Variants in SLC41A2 observed in about 807,000 individuals in gnomAD.
The protein encoded by SLC41A2 is SLC41A1-like 1.
SLC41A2 carries 32 observed loss-of-function variants against 58.3 expected under a neutral mutation model. That is an observed-to-expected ratio of 0.55 (90% confidence interval 0.41 to 0.74). The LOEUF (loss-of-function observed/expected upper bound fraction) is 0.74. Ranked by LOEUF, SLC41A2 falls within the 30% of genes least tolerant of loss-of-function variation. The pLI is 0.00. For missense variants in SLC41A2, 514 were observed against 680.6 expected (o/e 0.76, Z 2.72); for synonymous variants, 190 against 235.0 (o/e 0.81, Z 1.75).
intron 6 of SLC41A2, among the ~76,000 whole-genome samples, chr12:104,878,213 T>C (rs2135582040): frequency 6.6e-6 from 1 of 151,388 alleles, no homozygotes; most frequent in East Asian, 1.9e-4. Context: ...AGGAGATATC[T>C]GGTATTTGCA....
At chr12:104,852,638 T>A (rs1260870943) in intron 8 of SLC41A2, among the ~76,000 whole-genome samples, 1 of 152,144 alleles carries the variant, frequency 6.6e-6, no homozygotes, top group Non-Finnish European at 1.5e-5. Context: ...ATGTTATAAT[T>A]GTACCAAACT....
chr12:104,905,038 A>G (rs11112232), intron 3 of SLC41A2, among the ~76,000 whole-genome samples: 95,074 of 151,472 alleles, frequency 0.63, 30,571 homozygotes, highest in African/African-American at 0.76. Context: ...TTGTCAGGGC[A>G]CTGATTGGTG....
At chr12:104,819,046 C>T (rs777844727) in intron 10 of SLC41A2, among the ~76,000 whole-genome samples, 27 of 151,990 alleles carry the variant, frequency 1.8e-4, no homozygotes, top group Non-Finnish European at 3.1e-4. Flanking sequence ...TGGATGTATA[C>T]AGAATACTGT....
intron 2 of SLC41A2, 59 bp from the exon 3 acceptor site, chr12:104,909,821 A>C (rs1475454492): frequency 8.6e-6 from 10 of 1,168,616 alleles, no homozygotes; most frequent in Non-Finnish European, 1.2e-5. Flanking sequence ...ACTTTAGAAC[A>C]AAGACATTTC....
At chr12:104,832,465 C>T (rs1250775483) in intron 10 of SLC41A2, among the ~76,000 whole-genome samples, 1 of 152,102 alleles carries the variant, frequency 6.6e-6, no homozygotes, top group Non-Finnish European at 1.5e-5. Flanking sequence ...AAAATATCAA[C>T]CCCATCAACA....
chr12:104,834,398 A>C (rs900956643), intron 10 of SLC41A2, among the ~76,000 whole-genome samples: 1 of 152,200 alleles, frequency 6.6e-6, no homozygotes, highest in Non-Finnish European at 1.5e-5. Flanking sequence ...TAGAAAAAAA[A>C]TTCTAGGAAC....
At chr12:104,935,433 C>T (rs977481086) in intron 1 of SLC41A2, among the ~76,000 whole-genome samples, 2 of 151,710 alleles carry the variant, frequency 1.3e-5, no homozygotes, top group Non-Finnish European at 2.9e-5. Context: ...ATAACGTATA[C>T]GTAGATCAAA....
intron 1 of SLC41A2, among the ~76,000 whole-genome samples, chr12:104,938,482 G>C (rs2047371260): frequency 6.6e-6 from 1 of 152,194 alleles, no homozygotes; most frequent in South Asian, 2.1e-4. Context: ...TTAGCATCAG[G>C]TTTGGCCATG....
intron 10 of SLC41A2, among the ~76,000 whole-genome samples, chr12:104,816,203 T>C (rs2041396880): frequency 6.6e-6 from 1 of 151,648 alleles, no homozygotes; most frequent in South Asian, 2.1e-4. Context: ...TACTTGTAGA[T>C]ACGAAAAAAC....
intron 6 of SLC41A2, among the ~76,000 whole-genome samples, chr12:104,869,954 A>T (rs539717970): frequency 7.8e-4 from 119 of 152,346 alleles, no homozygotes; most frequent in African/African-American, 2.8e-3. Flanking sequence ...CATTTAAAAG[A>T]TCCTGGTTAA....
intron 8 of SLC41A2, among the ~76,000 whole-genome samples, chr12:104,859,170 G>A (rs893031201): frequency 1.2e-4 from 19 of 152,220 alleles, no homozygotes; most frequent in Non-Finnish European, 2.5e-4. Context: ...TGAAAAAATT[G>A]CGCATGTCTT....
intron 3 of SLC41A2, among the ~76,000 whole-genome samples, chr12:104,895,814 TAA>T (rs1236099571): frequency 6.6e-6 from 1 of 152,184 alleles, no homozygotes; most frequent in Non-Finnish European, 1.5e-5. Flanking sequence ...GAGTCACGAC[TAA>T]AACTGTTAGC....
chr12:104,828,604 T>C (rs1479147958), intron 10 of SLC41A2, among the ~76,000 whole-genome samples: 1 of 152,124 alleles, frequency 6.6e-6, no homozygotes, highest in African/African-American at 2.4e-5. Context: ...CCTAGAGGTT[T>C]GAGCAGTGGT....
chr12:104,956,460 C>T (rs142380372), intron 1 of SLC41A2, among the ~76,000 whole-genome samples: 179 of 152,348 alleles, frequency 1.2e-3, no homozygotes, highest in Middle Eastern at 6.8e-3. Context: ...GGGCAGATCA[C>T]TTGAATTCAG....
intron 6 of SLC41A2, among the ~76,000 whole-genome samples, chr12:104,881,872 T>A (rs2044386721): frequency 6.6e-6 from 1 of 152,198 alleles, no homozygotes; most frequent in Admixed American, 6.5e-5. Flanking sequence ...GATATCCTTG[T>A]TAACTTTCTG....
At chr12:104,943,059 A>G (rs114064469) in intron 1 of SLC41A2, among the ~76,000 whole-genome samples, 2,891 of 152,322 alleles carry the variant, frequency 0.019, 32 homozygotes, top group African/African-American at 0.036. Context: ...GACCAAATTA[A>G]AATACACACT....
intron 6 of SLC41A2, among the ~76,000 whole-genome samples, chr12:104,873,507 G>A (rs2135557926): frequency 6.6e-6 from 1 of 152,282 alleles, no homozygotes; most frequent in South Asian, 2.1e-4. Context: ...AAATATCTCT[G>A]TGAAGGGCTG....
chr12:104,846,590 A>T (rs943978261), intron 8 of SLC41A2, among the ~76,000 whole-genome samples: 1 of 152,234 alleles, frequency 6.6e-6, no homozygotes, highest in Non-Finnish European at 1.5e-5. Flanking sequence ...TGAGTGTAGG[A>T]CTGCCTAAGA....
chr12:104,852,448 A>G (rs1406884161), intron 8 of SLC41A2, among the ~76,000 whole-genome samples: 2 of 152,228 alleles, frequency 1.3e-5, no homozygotes, highest in Non-Finnish European at 2.9e-5. Context: ...GCTACTGATG[A>G]TTAATTGTAG....
Sources: allele counts gnomAD v4.1 joint callset (sites outside exome capture counted in the v4.1 genomes callset), GRCh38; gene constraint gnomAD v4.1.1; transcripts MANE v1.5; gene names NCBI Gene and HGNC (gene_info 2026-07-23, HGNC 2026-07-21).